Variants in CFAP299 observed in about 807,000 individuals in gnomAD.
CFAP299 encodes the protein cilia- and flagella-associated protein 299.
In CFAP299, 21 loss-of-function variants were observed where a neutral mutation model predicts 27.0. That is an observed-to-expected ratio of 0.78 (90% CI 0.55 to 1.12). The LOEUF is 1.12. Among genes scored for constraint, CFAP299 ranks in the 50% most tolerant of loss-of-function variants. CFAP299 has a pLI of 0.00. For missense variants in CFAP299, 310 were observed against 276.6 expected (o/e 1.12, Z -0.86); for synonymous variants, 104 against 98.1 (o/e 1.06, Z -0.36).
At chr4:80,817,065 A>C (rs1008326189) in intron 3 of CFAP299, among the ~76,000 whole-genome samples, 4 of 152,122 alleles carry the variant, frequency 2.6e-5, no homozygotes, top group Non-Finnish European at 4.4e-5. Context: ...TTCTGCCAAA[A>C]TAAGCTGCTT....
intron 2 of CFAP299, among the ~76,000 whole-genome samples, chr4:80,469,871 A>G (rs1729896301): frequency 6.6e-6 from 1 of 152,146 alleles, no homozygotes; most frequent in Admixed American, 6.6e-5. Context: ...TTTCTTTAAA[A>G]AAAATTACCT....
At chr4:80,632,634 A>G (rs529657804) in intron 3 of CFAP299, among the ~76,000 whole-genome samples, 1 of 152,172 alleles carries the variant, frequency 6.6e-6, no homozygotes, top group Non-Finnish European at 1.5e-5. Context: ...ATATATATAC[A>G]TATGAGAAAA....
intron 4 of CFAP299, chr4:80,872,419 G>T (rs1277111321): frequency 6.6e-6 from 1 of 151,946 alleles, no homozygotes; most frequent in African/African-American, 2.4e-5. Flanking sequence ...TTCTTCTATA[G>T]AGAAAAACTT....
In CFAP299 at chr4:80,944,806, A is replaced by G. The variant is rs1262882436; in HGVS notation, c.477-4A>G. 2 of 1,584,872 alleles carry G rather than the reference A, an allele frequency of 1.3e-6. No individual in the cohort carries two copies. Among genetic ancestry groups the G allele is most frequent in the African/African-American group, 1.4e-5 (1 of 73,362 alleles). Reference sequence around the variant, plus strand: ...TAATTCCTAATAAATGTTTATTTTTATAGCTTTTACAACTGGGACGCTGAT... The same window carrying G: ...TAATTCCTAATAAATGTTTATTTTTGTAGCTTTTACAACTGGGACGCTGAT... On this transcript the variant is annotated splice_region_variant and splice_polypyrimidine_tract_variant and intron_variant, in intron 4 of 5. Coordinates refer to ENST00000358105, the MANE Select transcript of CFAP299 (RefSeq NM_152770.3).
chr4:80,796,373 TG>T (rs2110102373), intron 3 of CFAP299, among the ~76,000 whole-genome samples: 1 of 152,316 alleles, frequency 6.6e-6, no homozygotes, highest in South Asian at 2.1e-4. Flanking sequence ...TCTTGCTCAC[TG>T]GATCCAATCA....
At chr4:80,393,064 C>T (rs1249466527) in intron 2 of CFAP299, among the ~76,000 whole-genome samples, 1 of 152,148 alleles carries the variant, frequency 6.6e-6, no homozygotes, top group East Asian at 1.9e-4. Flanking sequence ...TATTGATGAT[C>T]CTGACCCTGT....
At chr4:80,640,377 C>A (rs531521699) in intron 3 of CFAP299, among the ~76,000 whole-genome samples, 1 of 152,170 alleles carries the variant, frequency 6.6e-6, no homozygotes. Flanking sequence ...CTTGCCTGCC[C>A]AACCAGGCTT....
At chr4:80,342,953 T>G (rs1392203365) in intron 1 of CFAP299, among the ~76,000 whole-genome samples, 3 of 152,068 alleles carry the variant, frequency 2.0e-5, no homozygotes, top group Non-Finnish European at 2.9e-5. Context: ...GTGACACACA[T>G]AGGCTCAAAA....
chr4:80,554,805 G>C (rs1266819473), intron 2 of CFAP299, among the ~76,000 whole-genome samples: 1 of 152,068 alleles, frequency 6.6e-6, no homozygotes, highest in African/African-American at 2.4e-5. Context: ...CAGCTTGGCT[G>C]TTGTTGGTGT....
At chr4:80,451,014 G>A (rs937695113) in intron 2 of CFAP299, among the ~76,000 whole-genome samples, 1 of 151,962 alleles carries the variant, frequency 6.6e-6, no homozygotes, top group East Asian at 1.9e-4. Context: ...ATCACATTCA[G>A]GTAATATCTG....
intron 2 of CFAP299, among the ~76,000 whole-genome samples, chr4:80,410,654 A>G (rs72659833): frequency 0.088 from 13,425 of 152,288 alleles, 823 homozygotes; most frequent in Non-Finnish European, 0.13. Flanking sequence ...TGAATCAGCA[A>G]TGATCATTCA....
At chr4:80,662,068 C>G (rs375627062) in intron 3 of CFAP299, among the ~76,000 whole-genome samples, 1 of 152,100 alleles carries the variant, frequency 6.6e-6, no homozygotes, top group East Asian at 1.9e-4. Context: ...AATGCGTGCC[C>G]GAAACTTCAT....
chr4:80,848,903 A>G (rs1731333168), intron 3 of CFAP299, among the ~76,000 whole-genome samples: 2 of 152,222 alleles, frequency 1.3e-5, no homozygotes, highest in South Asian at 4.1e-4. Flanking sequence ...GTGAGTAGTG[A>G]GTGCATGTGA....
intron 2 of CFAP299, among the ~76,000 whole-genome samples, chr4:80,520,733 C>T (rs547927116): frequency 1.5e-3 from 227 of 152,266 alleles, no homozygotes; most frequent in Middle Eastern, 3.4e-3. Context: ...AAGATAGAAT[C>T]GAAGACGAGT....
intron 4 of CFAP299, among the ~76,000 whole-genome samples, chr4:80,936,178 T>C (rs572171928): frequency 4.1e-4 from 63 of 152,272 alleles, no homozygotes; most frequent in African/African-American, 1.4e-3. Flanking sequence ...GGAATGCATA[T>C]ACACTGTTGG....
At chr4:80,638,538 T>C (rs529468529) in intron 3 of CFAP299, among the ~76,000 whole-genome samples, 29 of 152,264 alleles carry the variant, frequency 1.9e-4, no homozygotes, top group African/African-American at 6.3e-4. Flanking sequence ...GCAGGCCTAT[T>C]CAATGACTTA....
intron 2 of CFAP299, among the ~76,000 whole-genome samples, chr4:80,556,182 G>A (rs957704081): frequency 6.6e-6 from 1 of 151,936 alleles, no homozygotes; most frequent in African/African-American, 2.4e-5. Context: ...TGGAAGTTTT[G>A]TCTCTAATCC....
At chr4:80,765,581 C>T (rs1454270969) in intron 3 of CFAP299, among the ~76,000 whole-genome samples, 1 of 151,654 alleles carries the variant, frequency 6.6e-6, no homozygotes. Flanking sequence ...GAATTGGACC[C>T]TTAGAAATAA....
chr4:80,735,239 G>A (rs1723784027), intron 3 of CFAP299, among the ~76,000 whole-genome samples: 1 of 151,892 alleles, frequency 6.6e-6, no homozygotes, highest in Non-Finnish European at 1.5e-5. Flanking sequence ...TTCTTTTTCA[G>A]ATTGTTCACT....
Sources: gnomAD v4.1 joint callset for allele counts (sites outside exome capture counted in the v4.1 genomes callset) on GRCh38, gnomAD v4.1.1 for gene constraint, MANE v1.5 for transcripts, NCBI Gene and HGNC (gene_info 2026-07-23, HGNC 2026-07-21) for gene names.